UPP2: variants seen among roughly 807,000 people sequenced by gnomAD.
UPP2 encodes the protein uridine phosphorylase 2.
Under a neutral mutation model 26.7 loss-of-function variants are expected in UPP2, and 23 were observed. The observed-to-expected ratio is 0.86, with a 90% CI of 0.62 to 1.22. The LOEUF (loss-of-function observed/expected upper bound fraction) is 1.22, where lower values mean the gene tolerates loss of function less well. Among genes scored for constraint, UPP2 ranks in the 50% most tolerant of loss-of-function variants. UPP2 has a pLI of 0.00. For missense variants in UPP2, 387 were observed against 396.7 expected, an observed-to-expected ratio of 0.98 and a Z score of 0.21; for synonymous variants, 127 against 141.3, an observed-to-expected ratio of 0.90 and a Z score of 0.72.
intron 6 of UPP2, chr2:158,128,084 T>A: frequency 1.1e-6 from 1 of 899,576 alleles, no homozygotes; most frequent in Non-Finnish European, 1.3e-6. Flanking sequence ...TGCTGCCTTT[T>A]GACACAGGCT....
intron 3 of UPP2, among the ~76,000 whole-genome samples, chr2:158,083,358 T>C (rs1223240840): frequency 1.2e-4 from 19 of 152,296 alleles, no homozygotes; most frequent in Admixed American, 1.2e-3. Context: ...ATATACACCA[T>C]GGAACACTAT....
intron 2 of UPP2, among the ~76,000 whole-genome samples, chr2:158,114,818 T>A (rs990593319): frequency 6.6e-6 from 1 of 152,206 alleles, no homozygotes; most frequent in African/African-American, 2.4e-5. Flanking sequence ...TGGTTGGTGT[T>A]CACTATAAAC....
chr2:158,013,174 T>A (rs1410552888), intron 2 of UPP2, among the ~76,000 whole-genome samples: 4 of 152,144 alleles, frequency 2.6e-5, no homozygotes, highest in African/African-American at 9.7e-5. Flanking sequence ...AGTTTTATTT[T>A]TTGTGGAGAT....
intron 2 of UPP2, among the ~76,000 whole-genome samples, chr2:157,995,478 C>T (rs1183710225): frequency 6.6e-6 from 1 of 152,188 alleles, no homozygotes; most frequent in African/African-American, 2.4e-5. Context: ...GTAGCTACTA[C>T]AGACGATGGA....
At chr2:158,038,467 T>G (rs1170433665) in intron 3 of UPP2, among the ~76,000 whole-genome samples, 2 of 152,264 alleles carry the variant, frequency 1.3e-5, no homozygotes, top group African/African-American at 4.8e-5. Flanking sequence ...GCTAGTGTTC[T>G]TGTAATTTTT....
chr2:158,018,436 G>A (rs780356347), intron 3 of UPP2, among the ~76,000 whole-genome samples: 65 of 152,294 alleles, frequency 4.3e-4, no homozygotes, highest in Non-Finnish European at 8.5e-4. Context: ...TGTACCCATT[G>A]TTCCTCCCTT....
chr2:158,035,455 A>G (rs999429035), intron 3 of UPP2, among the ~76,000 whole-genome samples: 2 of 152,192 alleles, frequency 1.3e-5, no homozygotes, highest in African/African-American at 4.8e-5. Flanking sequence ...CGCCCGGCCA[A>G]GGATCAGAAT....
At chr2:158,113,570 G>C (rs926690019) in intron 2 of UPP2, among the ~76,000 whole-genome samples, 1 of 152,176 alleles carries the variant, frequency 6.6e-6, no homozygotes, top group African/African-American at 2.4e-5. Context: ...CGTGGATACA[G>C]GGTTAATTAC....
chr2:158,092,679 T>C (rs10192905), intron 3 of UPP2, among the ~76,000 whole-genome samples: 3,537 of 152,218 alleles, frequency 0.023, 136 homozygotes, highest in African/African-American at 0.077. Flanking sequence ...ATCAACAAAG[T>C]GGTAACCATA....
intron 2 of UPP2, among the ~76,000 whole-genome samples, chr2:158,107,393 G>A (rs1004201195): frequency 6.6e-6 from 1 of 152,210 alleles, no homozygotes; most frequent in African/African-American, 2.4e-5. Context: ...AGGAAATTAA[G>A]TTCAGAGAGG....
At chr2:158,115,031 T>G (rs1683394471) in intron 2 of UPP2, 70 bp from the exon 3 acceptor site, 5 of 1,408,760 alleles carry the variant, frequency 3.5e-6, no homozygotes, top group Non-Finnish European at 4.7e-6. Context: ...ATAAAAACAT[T>G]AGAGTTGAAA....
intron 3 of UPP2, among the ~76,000 whole-genome samples, chr2:158,020,017 C>T (rs1246519901): frequency 1.3e-5 from 2 of 152,158 alleles, no homozygotes; most frequent in East Asian, 3.8e-4. Context: ...TCTCTTTATA[C>T]CTAGCATAAA....
chr2:157,995,260 G>C lies in UPP2; in HGVS notation c.61+1G>C, dbSNP rs1325872506. ...GAAGTGGTGAGGACAAGGCCTGAAG[G>C]TTAGTGAGGGAAGAGGAGAAATACA... is the stretch of plus-strand genomic sequence containing the variant. On this transcript the variant is annotated splice_donor_variant, in intron 2 of 9. Coordinates refer to the UPP2 transcript ENST00000605860. LOFTEE classifies it high-confidence loss of function. The C allele has an allele frequency of 1.2e-6, 2 of 1,613,632 alleles. No individual in the cohort carries two copies. The highest frequency in any genetic ancestry group is 1.7e-5 in the Admixed American group (1 of 59,932).
rs192364191 is a variant in UPP2 at position 158,109,885 on chromosome 2, G to A, written c.180+3669G>A. The stretch of plus-strand genomic sequence containing the variant: ...CAAACAAAGCAGGATATACATTTCC[G>A]GGGAAGGCAGGAAATAGTTTGAACT... On this transcript the variant is annotated intron_variant, in intron 2 of 6. Coordinates refer to ENST00000005756, the MANE Select transcript of UPP2 (RefSeq NM_173355.4). Among the ~76,000 whole-genome samples the A allele has an allele frequency of 5.1e-4, 78 of 152,216 alleles. 2 individuals are homozygous for A. Among genetic ancestry groups the A allele is most frequent in the African/African-American group, 1.4e-3 (58 of 41,546 alleles).
intron 2 of UPP2, among the ~76,000 whole-genome samples, chr2:158,007,632 T>C (rs1437481571): frequency 2.7e-5 from 4 of 149,904 alleles, no homozygotes; most frequent in African/African-American, 7.4e-5. Context: ...TCTCTCTCTT[T>C]TTTTTTTTTT....
In UPP2 at chr2:158,046,457, A is replaced by G. The variant is rs192818494; in HGVS notation, c.147+30571A>G. Among the ~76,000 whole-genome samples, 154 of 152,240 alleles carry G rather than the reference A, an allele frequency of 1.0e-3. 1 individual carries two copies. Among genetic ancestry groups the G allele is most frequent in the African/African-American group, 3.6e-3 (150 of 41,534 alleles). The stretch of plus-strand genomic sequence containing the variant: ...CCAGCCAGAGAATCTGCTTGCCCCA[A>G]GTTGTTTTTCTGTGCCAGGTTGTAT... On this transcript the variant is annotated intron_variant, in intron 3 of 9. Transcript: ENST00000605860.
intron 3 of UPP2, among the ~76,000 whole-genome samples, chr2:158,087,398 C>T (rs1489538877): frequency 1.3e-5 from 2 of 152,126 alleles, no homozygotes; most frequent in African/African-American, 4.8e-5. Context: ...TTAGGTGAGT[C>T]TCTTGAAGAC....
upstream of UPP2, among the ~76,000 whole-genome samples, chr2:158,098,250 C>G (rs116727649): frequency 0.019 from 2,925 of 152,142 alleles, 95 homozygotes; most frequent in African/African-American, 0.066. Context: ...CGGTGACCAC[C>G]CACCCTTGGG....
At chr2:158,010,788 CAG>C (rs1335861174) in intron 2 of UPP2, among the ~76,000 whole-genome samples, 2 of 110,056 alleles carry the variant, frequency 1.8e-5, no homozygotes, top group African/African-American at 3.3e-5. Context: ...TTTTTTGAGA[CAG>C]AGTCTCGCTC....
Sources: allele counts gnomAD v4.1 joint callset (sites outside exome capture counted in the v4.1 genomes callset), GRCh38; gene constraint gnomAD v4.1.1; transcripts MANE v1.5; gene names NCBI Gene and HGNC (gene_info 2026-07-23, HGNC 2026-07-21).